Variants in CREBBP observed in about 807,000 individuals in gnomAD.
CREBBP encodes the protein CREB binding lysine acetyltransferase.
In CREBBP, 19 loss-of-function variants were observed where a neutral mutation model predicts 265.0. The observed-to-expected ratio is 0.07, with a 90% CI of 0.05 to 0.11. The LOEUF (loss-of-function observed/expected upper bound fraction) is 0.11. Ranked by LOEUF, CREBBP falls within the 10% of genes least tolerant of loss-of-function variation. The probability of loss-of-function intolerance (pLI) is 1.00; values close to 1 mark genes in which losing one functional copy is unlikely to be tolerated. For missense variants in CREBBP, 2,525 were observed against 3,219.0 expected (o/e 0.78, Z 5.22); for synonymous variants, 1,457 against 1,223.7 (o/e 1.19, Z -3.98).
intron 2 of CREBBP, among the ~76,000 whole-genome samples, chr16:3,837,653 A>C (rs982735634): frequency 9.9e-5 from 15 of 150,864 alleles, no homozygotes; most frequent in African/African-American, 3.1e-4. Flanking sequence ...AAATAATAAA[A>C]AATTTTAAAA....
Position 3,793,389 on chromosome 16 carries a change from G to T in CREBBP, c.1213C>A (p.Gln405Lys). 6.2e-7 allele frequency: 1 copy of T among 1,613,842 alleles called. No homozygotes were observed. Among genetic ancestry groups the T allele is most frequent in the South Asian group, 1.1e-5 (1 of 90,960 alleles). The part of the protein sequence containing the change: ...MTHCQAGKAC[Q>K]VAHCASSRQI... ...GAGTTCCAAAAACAGCACTTACCTT[G>T]GCAGGCTTTCCCAGCCTGACAATGC... The change falls in exon 4 of 31, where the codon CAA (glutamine) becomes AAA (lysine). Residue 405 changes from glutamine to lysine, a missense_variant. Transcript: ENST00000262367.
intron 2 of CREBBP, among the ~76,000 whole-genome samples, chr16:3,815,027 A>G (rs2141362140): frequency 6.6e-6 from 1 of 152,334 alleles, no homozygotes. Context: ...CACTGGTCCT[A>G]GCCTGCAGTT....
In CREBBP at chr16:3,728,032, G is replaced by C. The variant is rs2151299828; in HGVS notation, c.7015C>G (p.Leu2339Val). ...GCTGGAGACCGCACCTGGTTACTAA[G>C]GGACGTGGCGATCTGCTGGCCAGGG... ...HLPGQQIATSLSNQVRSPAPV... is the reference protein window; with the variant it reads ...HLPGQQIATSVSNQVRSPAPV... Residue 2339 changes from leucine (L) to valine (V), a missense_variant, in exon 31 of 31, where the codon CTT becomes GTT. Coordinates refer to ENST00000262367, the MANE Select transcript of CREBBP (RefSeq NM_004380.3). This position sits in a 1 kb window ranked among gnomAD's most constrained non-coding sequence, Gnocchi z 8.7. The C allele has an allele frequency of 6.2e-7, 1 of 1,611,988 alleles. No individual in the cohort carries two copies. Among genetic ancestry groups the C allele is most frequent in the Non-Finnish European group, 8.5e-7 (1 of 1,178,314 alleles).
At chr16:3,858,727 C>A (rs1437346949) in intron 1 of CREBBP, among the ~76,000 whole-genome samples, 1 of 152,212 alleles carries the variant, frequency 6.6e-6, no homozygotes, top group African/African-American at 2.4e-5. Context: ...ATAACGAATT[C>A]TCTAGAAATA....
At chr16:3,834,179 GAT>G (rs1265446878) in intron 2 of CREBBP, among the ~76,000 whole-genome samples, 1 of 152,152 alleles carries the variant, frequency 6.6e-6, no homozygotes, top group African/African-American at 2.4e-5. Context: ...AATGTAAAAT[GAT>G]ATAGACACTT....
At chr16:3,736,334 C>A in intron 27 of CREBBP, 131 bp from the exon 28 acceptor site, 1 of 982,312 alleles carries the variant, frequency 1.0e-6, no homozygotes, top group Non-Finnish European at 1.6e-6. Context: ...TGCCCCCCCA[C>A]CACAGTGCAG....
chr16:3,788,118 C>A (rs1003912075), intron 5 of CREBBP, among the ~76,000 whole-genome samples: 18 of 152,190 alleles, frequency 1.2e-4, no homozygotes, highest in African/African-American at 3.9e-4. Flanking sequence ...GTGCATTAGG[C>A]TGGCTCTGGG....
chr16:3,795,029 AT>A (rs1364661939), intron 3 of CREBBP, among the ~76,000 whole-genome samples: 9 of 152,240 alleles, frequency 5.9e-5, no homozygotes, highest in Non-Finnish European at 1.3e-4. Flanking sequence ...TTAAAAGTTT[AT>A]AGAGTTTTCT....
At chr16:3,736,923 A>C in intron 26 of CREBBP, 108 bp from the exon 27 acceptor site, 1 of 1,332,386 alleles carries the variant, frequency 7.5e-7, no homozygotes, top group South Asian at 1.2e-5. Context: ...AGAAGTAACC[A>C]GAGAGAGAGA....
At chr16:3,771,037 G>A (rs371291790) in intron 13 of CREBBP, 51 bp from the exon 14 acceptor site, 47 of 1,600,548 alleles carry the variant, frequency 2.9e-5, no homozygotes, top group Non-Finnish European at 3.6e-5. Flanking sequence ...GTTTGAAAAT[G>A]TGATGAAACA....
intron 3 of CREBBP, among the ~76,000 whole-genome samples, chr16:3,796,156 T>C (rs2053604026): frequency 2.0e-5 from 3 of 152,204 alleles, no homozygotes; most frequent in African/African-American, 7.2e-5. Flanking sequence ...TATATAAAAA[T>C]TAGGCAAAAA....
At chr16:3,807,306 A>G (rs771870303) in intron 3 of CREBBP, among the ~76,000 whole-genome samples, 33 of 152,360 alleles carry the variant, frequency 2.2e-4, no homozygotes, top group Non-Finnish European at 3.7e-4. Flanking sequence ...AAAGAGCTGC[A>G]GAGGGCACCA....
chr16:3,731,606 G>C lies in CREBBP; in HGVS notation c.4891-133C>G, dbSNP rs897725808. The stretch of plus-strand genomic sequence containing the variant: ...CCTGATGGCCCTGATGCCTTGGGAT[G>C]GAACAAAATTGGTGACACGTTGCAT... On this transcript the variant is annotated intron_variant, in intron 29 of 30. Coordinates refer to ENST00000262367, the MANE Select transcript of CREBBP (RefSeq NM_004380.3). This position sits in a 1 kb window ranked among gnomAD's most constrained non-coding sequence, Gnocchi z 7.7. The C allele has an allele frequency of 2.1e-6, 3 of 1,417,882 alleles. No individual in the cohort carries two copies. The highest frequency in any genetic ancestry group is 2.9e-6 in the Non-Finnish European group (3 of 1,020,380). The allele number at this position is 1,417,882 out of a possible 1,614,324, so 87.8% of individuals were successfully genotyped here.
At position 3,725,999 on chromosome 16, in the gene CREBBP, G is replaced by A. The variant is rs912982523; in HGVS notation, c.*1719C>T. ...CTTGTCTCACCCACTCAGTAAGGGA[G>A]CCTGGAACTGGACTCCAAGGGAGGC... On this transcript the variant is annotated 3_prime_UTR_variant, in exon 31 of 31. Transcript: ENST00000262367. 1.7e-5 allele frequency: 4 copies of A among 233,110 alleles called. No homozygotes were observed. The highest frequency in any genetic ancestry group is 8.5e-6 in the Non-Finnish European group (1 of 118,008). 14.4% of individuals were successfully genotyped at this position (233,110 alleles called of 1,614,324 possible).
intron 2 of CREBBP, among the ~76,000 whole-genome samples, chr16:3,834,129 G>C (rs1243715218): frequency 6.6e-6 from 1 of 152,178 alleles, no homozygotes; most frequent in African/African-American, 2.4e-5. Flanking sequence ...ATGCTGGCGA[G>C]GATGTAGTGC....
intron 1 of CREBBP, among the ~76,000 whole-genome samples, chr16:3,863,926 G>A (rs962364308): frequency 6.6e-6 from 1 of 152,132 alleles, no homozygotes; most frequent in South Asian, 2.1e-4. Flanking sequence ...GAGCAAAAAC[G>A]GGTTGTTTAC....
chr16:3,810,160 T>C (rs554199517), intron 3 of CREBBP, among the ~76,000 whole-genome samples: 120 of 152,302 alleles, frequency 7.9e-4, no homozygotes, highest in Non-Finnish European at 7.3e-4. Flanking sequence ...GAATCATCTA[T>C]TGTGTTGGAC....
In CREBBP at chr16:3,744,884, C is replaced by T. The variant is rs370093745; in HGVS notation, c.3982+10G>A. 5.2e-5 allele frequency: 83 copies of T among 1,609,196 alleles called. No individual in the cohort carries two copies. In the Middle Eastern group the frequency reaches 8.3e-4, roughly 16 times the overall value. ...GCAGTCCAGGAAACAGAAAGCTTCC[C>T]GAAACTTACTCTTAGCACTGAATTT... On this transcript the variant is annotated intron_variant, in intron 23 of 30. Transcript: ENST00000262367.
At chr16:3,730,245 C>G (rs961018895) in intron 30 of CREBBP, among the ~76,000 whole-genome samples, 6 of 152,308 alleles carry the variant, frequency 3.9e-5, no homozygotes, top group African/African-American at 1.4e-4. Flanking sequence ...ACACCAGCCC[C>G]CTTCCTTCCG....
Sources: gnomAD v4.1 joint callset for allele counts (sites outside exome capture counted in the v4.1 genomes callset) on GRCh38, gnomAD v4.1.1 for gene constraint, Gnocchi (gnomAD v3.1) non-coding constraint, MANE v1.5 for transcripts, NCBI Gene and HGNC (gene_info 2026-07-23, HGNC 2026-07-21) for gene names.